Variants in COPA observed in about 807,000 individuals in gnomAD.
The protein encoded by COPA is coatomer subunit alpha.
A neutral mutation model predicts 158.7 loss-of-function variants in COPA; 10 were observed. The ratio of observed to expected loss-of-function variants is 0.06; its 90% CI spans 0.04 to 0.11. COPA has a LOEUF of 0.11. COPA is among the 10% of genes least tolerant of loss of function. COPA has a pLI of 1.00. For synonymous variants in COPA, 462 were observed against 542.8 expected (o/e 0.85, Z 2.07); for missense variants, 1,065 against 1,536.7 (o/e 0.69, Z 5.13).
chr1:160,306,508 A>G lies in COPA; in HGVS notation c.1303-15T>C, dbSNP rs1244219317. On this transcript the variant is annotated splice_polypyrimidine_tract_variant and intron_variant, in intron 14 of 32. Transcript: ENST00000241704. ...TTGATCAGAAGCTGCAATAAGTATT[A>G]AAGATGGGGTTAAGAGAAGAAATGT... 6.2e-7 allele frequency: 1 copy of G among 1,614,022 alleles called. No homozygotes were observed. Among genetic ancestry groups the G allele is most frequent in the African/African-American group, 1.3e-5 (1 of 74,938 alleles).
At chr1:160,299,637 T>C (rs766161338) in intron 17 of COPA, among the ~76,000 whole-genome samples, 9 of 152,228 alleles carry the variant, frequency 5.9e-5, no homozygotes, top group Non-Finnish European at 1.2e-4. Context: ...AAAGAAATAA[T>C]AAAAAACAAA....
Position 160,325,596 on chromosome 1 carries a change from T to A in COPA, c.553A>T (p.Thr185Ser). Residue 185 changes from threonine to serine, a missense_variant, in exon 7 of 33, where the codon ACT (threonine) becomes TCT (serine). Around this residue, in one of 2 missense-constraint regions of COPA, gnomAD observed 980 missense variants for 1,357.8 expected, o/e 0.72. Transcript: ENST00000241704. ...GTAGTTCCAAATAGATCAACCCCAG[T>A]TATTCCTCTCACATCCGATTCCACC... ...GAVESDVRGITGVDLFGTTDA... is the reference protein window; with the variant it reads ...GAVESDVRGISGVDLFGTTDA... 6.2e-7 allele frequency: 1 copy of A among 1,614,214 alleles called. No homozygotes were observed. The highest frequency in any genetic ancestry group is 1.1e-5 in the South Asian group (1 of 91,084).
At chr1:160,319,104 T>C (rs1313783619) in intron 8 of COPA, among the ~76,000 whole-genome samples, 1 of 152,064 alleles carries the variant, frequency 6.6e-6, no homozygotes, top group African/African-American at 2.4e-5. Flanking sequence ...GCTAAACGGA[T>C]AAAGAGAGAA....
chr1:160,305,335 G>A (rs1360681477), intron 17 of COPA, 98 bp downstream of exon 17: 6 of 1,287,132 alleles, frequency 4.7e-6, no homozygotes, highest in Non-Finnish European at 6.6e-6. Context: ...GCTTTTCCAT[G>A]AAGAAAATTC....
At chr1:160,304,511 A>T (rs1658718123) in intron 17 of COPA, among the ~76,000 whole-genome samples, 1 of 151,802 alleles carries the variant, frequency 6.6e-6, no homozygotes. Flanking sequence ...TAAAAATACA[A>T]AAATTAGCTG....
chr1:160,305,155 C>A, intron 17 of COPA: 2 of 263,462 alleles, frequency 7.6e-6, no homozygotes, highest in Admixed American at 5.1e-5. Context: ...GGTGCCGGAA[C>A]TGTTCTATTT....
chr1:160,333,509 A>G (rs1647624576), intron 5 of COPA, 94 bp downstream of exon 5: 1 of 880,444 alleles, frequency 1.1e-6, no homozygotes, highest in Non-Finnish European at 1.8e-6. Flanking sequence ...GACATAGTCC[A>G]TTTGAGAAGG....
At position 160,342,430 on chromosome 1, in the gene COPA, C is replaced by T. The variant is rs565696809; in HGVS notation, c.40+701G>A. ...TGCCCTCCACCCCCAACGACCCACA[C>T]TCGAGCTCTAGAGCTGCCGTACTTA... On this transcript the variant is annotated intron_variant, in intron 1 of 32. Transcript: ENST00000241704. 3.3e-5 allele frequency among the ~76,000 whole-genome samples: 5 copies of T among 152,290 alleles called. No individual in the cohort carries two copies. In the South Asian group the frequency reaches 1.0e-3, roughly 32 times the overall value.
rs1658987104 is a variant in COPA at position 160,312,075 on chromosome 1, G to A, written c.926-57C>T. 7 of 1,568,106 alleles carry A rather than the reference G, an allele frequency of 4.5e-6. No individual in the cohort carries two copies. In the Admixed American group the frequency reaches 5.2e-5, roughly 12 times the overall value. On this transcript the variant is annotated intron_variant, in intron 10 of 32. Coordinates refer to ENST00000241704, the MANE Select transcript of COPA (RefSeq NM_004371.4). ...AAGCTGTAGGCAAGAAAAAAACCTG[G>A]AAATTGGAGATACGTAAGGATGAAG... is the stretch of plus-strand genomic sequence containing the variant.
intron 17 of COPA, among the ~76,000 whole-genome samples, chr1:160,304,125 C>T (rs1658703648): frequency 6.6e-6 from 1 of 151,794 alleles, no homozygotes. Context: ...AGTGATTCTC[C>T]TGCCTCAGCC....
chr1:160,314,221 A>G, intron 8 of COPA, 96 bp from the exon 9 acceptor site: 1 of 1,327,516 alleles, frequency 7.5e-7, no homozygotes, highest in Non-Finnish European at 1.0e-6. Context: ...ACTAAGTACT[A>G]TTACAGAATG....
intron 6 of COPA, chr1:160,325,996 T>C (rs1571176451): frequency 5.1e-6 from 1 of 194,522 alleles, no homozygotes; most frequent in South Asian, 1.3e-4. Flanking sequence ...CATTCTTCAG[T>C]GTTCTTGAAA....
At position 160,292,149 on chromosome 1, in the gene COPA, T is replaced by A; in HGVS notation, c.3010A>T (p.Asn1004Tyr). Residue 1004 changes from asparagine to tyrosine, a missense_variant, in exon 29 of 33, where the codon AAT becomes TAT. Transcript: ENST00000241704. ...NGVPAVGLKLNDLIQRLQLCY... is the reference protein window; with the variant it reads ...NGVPAVGLKLYDLIQRLQLCY... ...AGCTGCAACCGTTGGATGAGGTCATTAAGCTTCAGGCCCACAGCTGGTACA... is the reference window on the plus strand; with the variant it reads ...AGCTGCAACCGTTGGATGAGGTCATAAAGCTTCAGGCCCACAGCTGGTACA... 2.5e-6 allele frequency: 4 copies of A among 1,613,938 alleles called. No individual in the cohort carries two copies. Among genetic ancestry groups the A allele is most frequent in the Non-Finnish European group, 3.4e-6 (4 of 1,180,040 alleles).
In COPA at chr1:160,294,860, ACAGAGGGAAGGAACAG is replaced by A. The variant is rs1658350363; in HGVS notation, c.2477-19_2477-4del. The A allele has an allele frequency of 3.7e-6, 6 of 1,609,534 alleles. No homozygotes were observed. The highest frequency in any genetic ancestry group is 5.1e-6 in the Non-Finnish European group (6 of 1,175,990). Reference sequence around the variant, plus strand: ...AGCAGCCAGTGCTCCTCCCTTCCCTACAGAGGGAAGGAACAGAACGGAACTGGTTATAGTCCAGCAA... The same window carrying A: ...AGCAGCCAGTGCTCCTCCCTTCCCTAAACGGAACTGGTTATAGTCCAGCAA... On this transcript the variant is annotated splice_region_variant and splice_polypyrimidine_tract_variant and intron_variant, in intron 23 of 32. Coordinates refer to ENST00000241704, the MANE Select transcript of COPA (RefSeq NM_004371.4).
intron 6 of COPA, among the ~76,000 whole-genome samples, chr1:160,330,853 T>G (rs1052353642): frequency 6.6e-6 from 1 of 152,064 alleles, no homozygotes; most frequent in Non-Finnish European, 1.5e-5. Flanking sequence ...AACTCAAATC[T>G]CCAAGAATTT....
At position 160,292,007 on chromosome 1, in the gene COPA, C is replaced by G. The variant is rs1292818361; in HGVS notation, c.3147+5G>C. ...AGAACTGGGACAGCGGCTAGACCCT[C>G]CTACCTCTGCAATCTCTTGTTTATT... On this transcript the variant is annotated splice_donor_5th_base_variant and intron_variant, in intron 29 of 32. Coordinates refer to ENST00000241704, the MANE Select transcript of COPA (RefSeq NM_004371.4). 3.1e-6 allele frequency: 5 copies of G among 1,614,152 alleles called. No individual in the cohort carries two copies. Among genetic ancestry groups the G allele is most frequent in the Non-Finnish European group, 4.2e-6 (5 of 1,180,016 alleles).
intron 8 of COPA, among the ~76,000 whole-genome samples, chr1:160,318,468 TAAAAAAAAAAAAAAAA>T (rs71090307): frequency 1.9e-4 from 3 of 15,676 alleles, no homozygotes; most frequent in African/African-American, 1.9e-4. Flanking sequence ...ACAATATTTG[TAAAAAAAAAAAAAAAA>T]AAAAAAACAA....
rs1018061081 is a variant in COPA, at chr1:160,288,627, G to A, written c.*1530C>T. On this transcript the variant is annotated 3_prime_UTR_variant, in exon 33 of 33. Coordinates refer to ENST00000241704, the MANE Select transcript of COPA (RefSeq NM_004371.4). ...CAACTATATGCATTTATTATTTATT[G>A]AAAACATGAATTTAACACGCAAAAA... 3.3e-5 allele frequency among the ~76,000 whole-genome samples: 5 copies of A among 152,024 alleles called. No homozygotes were observed. The highest frequency in any genetic ancestry group is 1.2e-4 in the African/African-American group (5 of 41,396).
At chr1:160,312,917 A>G (rs935799370) in intron 10 of COPA, among the ~76,000 whole-genome samples, 168 bp downstream of exon 10, 15 of 152,112 alleles carry the variant, frequency 9.9e-5, no homozygotes, top group African/African-American at 3.4e-4. Context: ...TTTTACGTAC[A>G]TATAAAGTGG....
Sources: allele counts gnomAD v4.1 joint callset (sites outside exome capture counted in the v4.1 genomes callset), GRCh38; gene constraint gnomAD v4.1.1; regional missense constraint gnomAD v4.1.1; transcripts MANE v1.5; gene names NCBI Gene and HGNC (gene_info 2026-07-23, HGNC 2026-07-21).